P2RX1: variants seen among roughly 807,000 people sequenced by gnomAD.
P2RX1 encodes P2X purinoceptor 1.
P2RX1 carries 42 observed loss-of-function variants against 50.3 expected under a neutral mutation model. The ratio of observed to expected loss-of-function variants is 0.83; its 90% CI spans 0.65 to 1.08. The LOEUF is 1.08. Ranked by LOEUF, P2RX1 falls within the 50% of genes least tolerant of loss-of-function variation. P2RX1 has a pLI of 0.00. For synonymous variants in P2RX1, 199 were observed against 202.6 expected (o/e 0.98, Z 0.15); for missense variants, 449 against 529.0 (o/e 0.85, Z 1.48).
chr17:3,901,607 A>T (rs1325854467), intron 7 of P2RX1, among the ~76,000 whole-genome samples: 1 of 152,222 alleles, frequency 6.6e-6, no homozygotes, highest in African/African-American at 2.4e-5. Flanking sequence ...TTGAAAAAAA[A>T]GTTTGCTGAC....
Position 3,898,029 on chromosome 17 carries a change from C to T in P2RX1, c.1114G>A (p.Glu372Lys). Residue 372 changes from glutamate (E) to lysine (K), a missense_variant, in exon 11 of 12, where the codon GAG (glutamate) becomes AAG (lysine). Coordinates refer to ENST00000225538, the MANE Select transcript of P2RX1 (RefSeq NM_002558.4). ...CTTACCGCCCCTGGCCCCATGTCCTCAGCGTATTTGAACTTCTTCTGCTTG... is the reference window on the plus strand; with the variant it reads ...CTTACCGCCCCTGGCCCCATGTCCTTAGCGTATTTGAACTTCTTCTGCTTG... ...YYKQKKFKYA[E>K]DMGPGAAERD... 6.2e-7 allele frequency: 1 copy of T among 1,613,702 alleles called. No homozygotes were observed. Among genetic ancestry groups the T allele is most frequent in the Non-Finnish European group, 8.5e-7 (1 of 1,179,924 alleles).
chr17:3,898,517 G>A lies in P2RX1; in HGVS notation c.999C>T (p.Thr333=), dbSNP rs2056075781. The A allele has an allele frequency of 1.9e-6, 3 of 1,613,998 alleles. No homozygotes were observed. The South Asian group carries it at 3.3e-5, about 18-fold the overall frequency. Residue 333 remains threonine (T), a synonymous_variant, in exon 10 of 12, where the codon ACC becomes ACT. Transcript: ENST00000225538. ...AGKFDIIPTM[T]TIGSGIGIFG... ...AGATGCCAATTCCAGAGCCGATGGT[G>A]GTCATTGTAGGGATGATGTCAAACT... is the stretch of plus-strand genomic sequence containing the variant.
chr17:3,898,922 C>G lies in P2RX1; in HGVS notation c.966+12G>C. 5 of 1,606,290 alleles carry G rather than the reference C, an allele frequency of 3.1e-6. No individual in the cohort carries two copies. Among genetic ancestry groups the G allele is most frequent in the Non-Finnish European group, 4.3e-6 (5 of 1,172,946 alleles). ...TGTCTCAGCTGCCACCACCCTCACA[C>G]TGGACACTCACCTTGCCGTCCACCA... is the stretch of plus-strand genomic sequence containing the variant. On this transcript the variant is annotated intron_variant, in intron 9 of 11. Transcript: ENST00000225538.
intron 1 of P2RX1, 48 bp from the exon 2 acceptor site, chr17:3,905,415 G>T: frequency 6.2e-7 from 1 of 1,607,304 alleles, no homozygotes; most frequent in South Asian, 1.1e-5. Context: ...GCACCAGCTG[G>T]ACCTGTCACA....
chr17:3,898,831 A>C, intron 9 of P2RX1, 103 bp downstream of exon 9: 1 of 955,666 alleles, frequency 1.0e-6, no homozygotes, highest in Non-Finnish European at 1.7e-6. Flanking sequence ...CTGCTGGATG[A>C]ACCCACCCAA....
At chr17:3,901,331 T>C (rs953967328) in intron 7 of P2RX1, among the ~76,000 whole-genome samples, 2 of 152,244 alleles carry the variant, frequency 1.3e-5, no homozygotes, top group Admixed American at 6.5e-5. Flanking sequence ...CCTCCCAAAG[T>C]GCTGGGATTA....
Position 3,903,096 on chromosome 17 carries a change from C to T in P2RX1, c.747+106G>A. Reference sequence around the variant, plus strand: ...ATCAGGGGACAGACCCATACATATACTCAGCCCTCACCGAGGAGACTTGGG... The same window carrying T: ...ATCAGGGGACAGACCCATACATATATTCAGCCCTCACCGAGGAGACTTGGG... On this transcript the variant is annotated intron_variant, in intron 7 of 11. Coordinates refer to ENST00000225538, the MANE Select transcript of P2RX1 (RefSeq NM_002558.4). This position sits in a 1 kb window ranked among gnomAD's most constrained non-coding sequence, Gnocchi z 4.6. 1.3e-6 allele frequency: 2 copies of T among 1,493,558 alleles called. No individual in the cohort carries two copies. Among genetic ancestry groups the T allele is most frequent in the East Asian group, 2.3e-5 (1 of 43,352 alleles). 92.5% of individuals were successfully genotyped at this position (1,493,558 alleles called of 1,614,324 possible).
Position 3,897,534 on chromosome 17 carries a change from G to A in P2RX1, c.*280C>T. The A allele has an allele frequency of 5.4e-6, 3 of 559,880 alleles. No individual in the cohort carries two copies. Among genetic ancestry groups the A allele is most frequent in the Middle Eastern group, 9.5e-4 (2 of 2,110 alleles). 34.7% of individuals were successfully genotyped at this position (559,880 alleles called of 1,614,324 possible). ...TCCGGAGAGAGAAGCACGAAGCTAG[G>A]GTGCAGGTGTGTGGGAGGGTCCTGC... On this transcript the variant is annotated 3_prime_UTR_variant, in exon 12 of 12. Transcript: ENST00000225538.
At position 3,903,583 on chromosome 17, in the gene P2RX1, G is replaced by C; in HGVS notation, c.573C>G (p.Asn191Lys). 6 of 1,614,236 alleles carry C rather than the reference G, an allele frequency of 3.7e-6. No individual in the cohort carries two copies. Among genetic ancestry groups the C allele is most frequent in the Non-Finnish European group, 5.1e-6 (6 of 1,180,038 alleles). The change falls in exon 6 of 12, where the codon AAC (asparagine) becomes AAG (lysine). Residue 191 changes from asparagine to lysine, a missense_variant. Coordinates refer to ENST00000225538, the MANE Select transcript of P2RX1 (RefSeq NM_002558.4). The surrounding 1 kb of genome is among the most constrained non-coding windows in gnomAD (Gnocchi z 4.6). ...EAENFTLFIK[N>K]SISFPRFKVN... is the part of the protein sequence containing the mutation. ...CCTTGAAGCGTGGAAAGCTGATGCT[G>C]TTCTTGATGAAAAGAGTGAAGTTCT... is the stretch of plus-strand genomic sequence containing the variant.
Position 3,904,945 on chromosome 17 carries a change from A to AGGGGGG in P2RX1, c.286-17_286-16insCCCCCC. 6.7e-6 allele frequency: 1 copy of AGGGGGG among 148,754 alleles called. No homozygotes were observed. The highest frequency in any genetic ancestry group is 1.1e-4 in the Admixed American group (1 of 8,772). The allele number at this position is 148,754 out of a possible 1,614,324, so 9.2% of individuals were successfully genotyped here. ...AGTTGTCCCCCTAGAAGTGAGGGGC[A>AGGGGGG]GGGGGAGGGTGGGGTGGGCTGGGAG... On this transcript the variant is annotated splice_polypyrimidine_tract_variant and intron_variant, in intron 2 of 11. Coordinates refer to ENST00000225538, the MANE Select transcript of P2RX1 (RefSeq NM_002558.4).
At chr17:3,915,652 G>T (rs1473630901) in intron 1 of P2RX1, 1 of 459,308 alleles carries the variant, frequency 2.2e-6, no homozygotes. Context: ...AGGCAGGGAA[G>T]CTGGCAGCAG....
At chr17:3,907,416 C>T (rs2056287999) in intron 1 of P2RX1, among the ~76,000 whole-genome samples, 1 of 151,800 alleles carries the variant, frequency 6.6e-6, no homozygotes, top group Non-Finnish European at 1.5e-5. Flanking sequence ...CCACTCCTTA[C>T]CCTACCCCGA....
chr17:3,903,512 G>A lies in P2RX1; in HGVS notation c.605+39C>T, dbSNP rs377764308. 45 of 1,606,100 alleles carry A rather than the reference G, an allele frequency of 2.8e-5. No homozygotes were observed. The highest frequency in any genetic ancestry group is 5.0e-5 in the Admixed American group (3 of 59,996). On this transcript the variant is annotated intron_variant, in intron 6 of 11. Coordinates refer to ENST00000225538, the MANE Select transcript of P2RX1 (RefSeq NM_002558.4). The surrounding 1 kb of genome is among the most constrained non-coding windows in gnomAD (Gnocchi z 4.6). ...AGCTGAGAGCTGCCGGAGCGGCCCC[G>A]GCCAGCTGCCTGCATTTCTGCCCGA...
At position 3,903,690 on chromosome 17, in the gene P2RX1, A is replaced by G. The variant is rs1243524295; in HGVS notation, c.525-59T>C. On this transcript the variant is annotated intron_variant, in intron 5 of 11. Transcript: ENST00000225538. This position sits in a 1 kb window ranked among gnomAD's most constrained non-coding sequence, Gnocchi z 4.6. Reference sequence around the variant, plus strand: ...CCAGGAGGCCCCCTGTGTGTCCCACACAGAGCTTGGCACAGCAGGGGGTGG... The same window carrying G: ...CCAGGAGGCCCCCTGTGTGTCCCACGCAGAGCTTGGCACAGCAGGGGGTGG... 6.4e-7 allele frequency: 1 copy of G among 1,564,578 alleles called. No homozygotes were observed. The highest frequency in any genetic ancestry group is 8.8e-7 in the Non-Finnish European group (1 of 1,136,880).
intron 1 of P2RX1, among the ~76,000 whole-genome samples, chr17:3,912,599 G>A (rs1339374667): frequency 6.6e-6 from 1 of 152,248 alleles, no homozygotes; most frequent in Non-Finnish European, 1.5e-5. Context: ...CCAGAGTGCT[G>A]GGATTACAGG....
In P2RX1 at chr17:3,916,189, G is replaced by A. The variant is rs756570639; in HGVS notation, c.37C>T (p.Leu13Phe). ...ATGCGGGGGGTGTCATACTCGAAGA[G>A]GAAGGCGGCCAGCTCCTCCTGGAAC... Reference protein sequence around the residue: ...RRFQEELAAFLFEYDTPRMVL... With the variant: ...RRFQEELAAFFFEYDTPRMVL... Residue 13 changes from leucine to phenylalanine, a missense_variant, in exon 1 of 12, where the codon CTC (leucine) becomes TTC (phenylalanine). Leu to Phe is a conservative substitution (Grantham distance 22). Transcript: ENST00000225538. 2 of 1,613,158 alleles carry A rather than the reference G, an allele frequency of 1.2e-6. No homozygotes were observed. Among genetic ancestry groups the A allele is most frequent in the Non-Finnish European group, 1.7e-6 (2 of 1,180,026 alleles).
intron 1 of P2RX1, chr17:3,915,490 G>T (rs1418892156): frequency 4.4e-6 from 2 of 456,576 alleles, no homozygotes; most frequent in South Asian, 3.1e-5. Context: ...GGTGGGACAG[G>T]TCCGGAGATG....
At chr17:3,897,903 G>C (rs996141430) in intron 11 of P2RX1, 24 bp from the exon 12 acceptor site, 1 of 1,613,620 alleles carries the variant, frequency 6.2e-7, no homozygotes, top group African/African-American at 1.3e-5. Context: ...GCAAGGGTTG[G>C]GGGATACAAG....
intron 1 of P2RX1, among the ~76,000 whole-genome samples, chr17:3,907,258 G>T (rs574181086): frequency 6.7e-6 from 1 of 149,304 alleles, no homozygotes; most frequent in Admixed American, 6.6e-5. Flanking sequence ...CCCCTTCCTC[G>T]AGGAAAGACT....
Sources: allele counts gnomAD v4.1 joint callset (sites outside exome capture counted in the v4.1 genomes callset), GRCh38; gene constraint gnomAD v4.1.1; non-coding constraint Gnocchi (gnomAD v3.1); transcripts MANE v1.5; gene names NCBI Gene and HGNC (gene_info 2026-07-23, HGNC 2026-07-21).